MCF2L: variants seen among roughly 807,000 people sequenced by gnomAD.
MCF2L encodes the protein MCF.2 cell line derived transforming sequence like.
Under a neutral mutation model 153.4 loss-of-function variants are expected in MCF2L, and 97 were observed. The observed-to-expected ratio is 0.63, with a 90% CI of 0.54 to 0.75. MCF2L has a LOEUF of 0.75. MCF2L is among the 30% of genes least tolerant of loss of function. The pLI, the probability that MCF2L is intolerant of heterozygous loss-of-function variation, is 0.00. For synonymous variants in MCF2L, 659 were observed against 632.2 expected (o/e 1.04, Z -0.64); for missense variants, 1,347 against 1,495.2 (o/e 0.90, Z 1.64).
At chr13:112,895,384 C>G (rs1219263534) in intron 1 of MCF2L, among the ~76,000 whole-genome samples, 1 of 152,148 alleles carries the variant, frequency 6.6e-6, no homozygotes, top group Non-Finnish European at 1.5e-5. Context: ...CGGGGACCGA[C>G]ACGGCTGACC....
chr13:113,053,884 G>A lies in MCF2L; in HGVS notation c.370-6709G>A, dbSNP rs1015780308. Among the ~76,000 whole-genome samples, 1 of 152,140 alleles carries A rather than the reference G, an allele frequency of 6.6e-6. No homozygotes were observed. Among genetic ancestry groups the A allele is most frequent in the African/African-American group, 2.4e-5 (1 of 41,432 alleles). ...ACATGCACGCCCCTTCAGGGTCCTG[G>A]TCCTTAGGGAGCTGGTTAACAAGTT... is the stretch of plus-strand genomic sequence containing the variant. On this transcript the variant is annotated intron_variant, in intron 4 of 29. Coordinates refer to ENST00000535094, the MANE Select transcript of MCF2L (RefSeq NM_001112732.3). This position sits in a 1 kb window ranked among gnomAD's most constrained non-coding sequence, Gnocchi z 4.4.
Position 113,035,487 on chromosome 13 carries a change from C to A in MCF2L, c.279-9784C>A, listed in dbSNP as rs962352381. On this transcript the variant is annotated intron_variant, in intron 3 of 29. Coordinates refer to ENST00000535094, the MANE Select transcript of MCF2L (RefSeq NM_001112732.3). This position sits in a 1 kb window ranked among gnomAD's most constrained non-coding sequence, Gnocchi z 4.4. ...CGTTTTCCGCCTCAAACCCCCTCTGCGATGTGCAGCTCTGGGTGTCTGATC... is the reference window on the plus strand; with the variant it reads ...CGTTTTCCGCCTCAAACCCCCTCTGAGATGTGCAGCTCTGGGTGTCTGATC... 6.6e-6 allele frequency among the ~76,000 whole-genome samples: 1 copy of A among 152,194 alleles called. No homozygotes were observed. The highest frequency in any genetic ancestry group is 1.5e-5 in the Non-Finnish European group (1 of 68,038).
chr13:112,998,777 C>T (rs1229631366), intron 1 of MCF2L, among the ~76,000 whole-genome samples: 3 of 152,224 alleles, frequency 2.0e-5, no homozygotes, highest in South Asian at 2.1e-4. Flanking sequence ...GTGCTTGGAA[C>T]AGCTTTTATG....
upstream of MCF2L, chr13:112,968,818 C>T: frequency 7.6e-7 from 1 of 1,314,694 alleles, no homozygotes; most frequent in Non-Finnish European, 9.8e-7. Context: ...GCGTGGAGAC[C>T]CGGAACCGGG....
Position 112,969,443 on chromosome 13 carries a change from G to A in MCF2L, c.64G>A (p.Val22Ile), listed in dbSNP as rs1256490287. The stretch of plus-strand genomic sequence containing the variant: ...AGAAATGGTGCAGAGATTAAATGCG[G>A]TTTCCAAGCACACGGGTAGGAGGAG... ...LEEMVQRLNA[V>I]SKHTDEIMHQ... Residue 22 changes from valine to isoleucine, a missense_variant, in exon 1 of 30, where the codon GTT becomes ATT. Val to Ile is a conservative substitution (Grantham distance 29). This residue lies in a region of MCF2L where 820 missense variants were observed against 921.2 expected (regional missense o/e 0.89). Transcript: ENST00000535094. This position sits in a 1 kb window ranked among gnomAD's most constrained non-coding sequence, Gnocchi z 4.8. 3 of 1,550,278 alleles carry A rather than the reference G, an allele frequency of 1.9e-6. No homozygotes were observed. The highest frequency in any genetic ancestry group is 1.4e-5 in the African/African-American group (1 of 73,064).
Position 112,941,170 on chromosome 13 carries a change from C to T in MCF2L, c.169+38799C>T, listed in dbSNP as rs2081571708. On this transcript the variant is annotated intron_variant, in intron 2 of 29. Coordinates refer to the MCF2L transcript ENST00000375608. This position sits in a 1 kb window ranked among gnomAD's most constrained non-coding sequence, Gnocchi z 4.9. Reference sequence around the variant, plus strand: ...CCTACAAAAATTCAGGTCATCAGCCCGTAATGCCACCTTGTTTTATCTTGG... The same window carrying T: ...CCTACAAAAATTCAGGTCATCAGCCTGTAATGCCACCTTGTTTTATCTTGG... Among the ~76,000 whole-genome samples the T allele has an allele frequency of 6.6e-6, 1 of 152,060 alleles. No individual in the cohort carries two copies. Among genetic ancestry groups the T allele is most frequent in the Non-Finnish European group, 1.5e-5 (1 of 68,032 alleles).
Position 113,035,218 on chromosome 13 carries a change from C to T in MCF2L, c.279-10053C>T, listed in dbSNP as rs1481248992. Among the ~76,000 whole-genome samples the T allele has an allele frequency of 6.6e-6, 1 of 152,214 alleles. No individual in the cohort carries two copies. The highest frequency in any genetic ancestry group is 1.5e-5 in the Non-Finnish European group (1 of 68,036). On this transcript the variant is annotated intron_variant, in intron 3 of 29. Transcript: ENST00000535094. The surrounding 1 kb of genome is among the most constrained non-coding windows in gnomAD (Gnocchi z 4.4). ...GGCTTCTCTGGGTGACTCTGACGCT[C>T]TCATTGCTTCACGTTTAATTTTTGT... is the stretch of plus-strand genomic sequence containing the variant.
intron 8 of MCF2L, 74 bp from the exon 9 acceptor site, chr13:113,069,985 T>C: frequency 9.8e-7 from 1 of 1,019,786 alleles, no homozygotes; most frequent in Admixed American, 2.3e-5. Context: ...TGGGGTCGCT[T>C]GAACACCCAC....
rs532461895 is a variant in MCF2L, at chr13:113,047,662, C to T, written c.369+2301C>T. Among the ~76,000 whole-genome samples the T allele has an allele frequency of 7.9e-5, 12 of 152,360 alleles. 1 individual carries two copies. The highest frequency in any genetic ancestry group is 3.4e-3 in the Middle Eastern group (1 of 294). On this transcript the variant is annotated intron_variant, in intron 4 of 29. Coordinates refer to ENST00000535094, the MANE Select transcript of MCF2L (RefSeq NM_001112732.3). ...CTCCCTGCCAGGGCACTTGCGGTGT[C>T]AGGACGCACCTGGGTGCCTTTCATG...
Position 113,095,130 on chromosome 13 carries a change from ATTTGCATTTG to A in MCF2L, c.3075+496_3075+505del. The A allele has an allele frequency of 3.0e-6, 4 of 1,315,630 alleles. No individual in the cohort carries two copies. The Admixed American group carries it at 8.9e-5, about 29-fold the overall frequency. The allele number at this position is 1,315,630 out of a possible 1,614,324, so 81.5% of individuals were successfully genotyped here. Reference sequence around the variant, plus strand: ...AAGAAAATGGAACTGCTAAGCATGGATTTGCATTTGAAAAAACATTCATTGTTAATGTCAG... The same window carrying A: ...AAGAAAATGGAACTGCTAAGCATGGAAAAAAACATTCATTGTTAATGTCAG... On this transcript the variant is annotated intron_variant, in intron 27 of 29. Transcript: ENST00000535094.
chr13:112,990,761 G>A (rs1163620035), intron 1 of MCF2L, among the ~76,000 whole-genome samples: 1 of 152,224 alleles, frequency 6.6e-6, no homozygotes, highest in African/African-American at 2.4e-5. Context: ...TGTGCCCAGC[G>A]TCTGCTCTGT....
rs765545847 is a variant in MCF2L at position 113,090,118 on chromosome 13, C to T, written c.2953+390C>T. The T allele has an allele frequency of 5.7e-5, 88 of 1,547,202 alleles. 1 individual carries two copies. The South Asian group carries it at 8.8e-4, about 15-fold the overall frequency. On this transcript the variant is annotated intron_variant, in intron 26 of 29. Coordinates refer to ENST00000535094, the MANE Select transcript of MCF2L (RefSeq NM_001112732.3). ...AGAAAGCTCTGCGCTTTCCAGAAAG[C>T]GCTTTACCCTGCAGGGTTTTGCTAA...
intron 13 of MCF2L, among the ~76,000 whole-genome samples, chr13:113,077,602 C>T (rs1261891513): frequency 2.0e-5 from 3 of 152,182 alleles, no homozygotes; most frequent in Non-Finnish European, 4.4e-5. Context: ...TGTCCTTTCC[C>T]GGTGCTATTG....
intron 1 of MCF2L, among the ~76,000 whole-genome samples, chr13:113,005,535 G>A (rs528735166): frequency 6.6e-6 from 1 of 151,744 alleles, no homozygotes; most frequent in African/African-American, 2.4e-5. Flanking sequence ...GTTTGTGGTG[G>A]CCGTGGTTGG....
chr13:112,964,584 C>A (rs2081870907), upstream of MCF2L, among the ~76,000 whole-genome samples: 2 of 152,232 alleles, frequency 1.3e-5, no homozygotes, highest in Admixed American at 1.3e-4. Flanking sequence ...CACAGAGAAA[C>A]AATCAGATGT....
chr13:113,047,251 A>G (rs1486822660), intron 4 of MCF2L: 1 of 152,278 alleles, frequency 6.6e-6, no homozygotes, highest in African/African-American at 2.4e-5. Context: ...TCGCATTTCA[A>G]CATGAGACTT....
At chr13:112,957,508 T>TC (rs2081772641) in intron 2 of MCF2L, 1 of 150,854 alleles carries the variant, frequency 6.6e-6, no homozygotes, top group African/African-American at 2.4e-5. Flanking sequence ...GAGCTGGGCT[T>TC]CCACCCTGGA....
chr13:113,071,087 A>G (rs1463809437), intron 9 of MCF2L, among the ~76,000 whole-genome samples: 2 of 152,040 alleles, frequency 1.3e-5, no homozygotes, highest in East Asian at 3.9e-4. Flanking sequence ...TTATGCTCAC[A>G]TCCTGATGTG....
rs2081592854 is a variant in MCF2L at position 112,943,096 on chromosome 13, T to G, written c.169+40725T>G. Among the ~76,000 whole-genome samples, 1 of 144,688 alleles carries G rather than the reference T, an allele frequency of 6.9e-6. No individual in the cohort carries two copies. The highest frequency in any genetic ancestry group is 1.6e-5 in the Non-Finnish European group (1 of 63,106). The allele number at this position is 144,688 out of a possible 152,430, so 94.9% of individuals were successfully genotyped here. A position where few individuals can be genotyped will look rare whatever the true frequency, so the allele number is the denominator to read the frequency against. On this transcript the variant is annotated intron_variant, in intron 2 of 29. Coordinates refer to the MCF2L transcript ENST00000375608. The surrounding 1 kb of genome is among the most constrained non-coding windows in gnomAD (Gnocchi z 4.2). ...GCCTGAGAGATTTCTAGCAAAAACCTGGTAAACTTTGAGGTGAAGGCTGTC... is the reference window on the plus strand; with the variant it reads ...GCCTGAGAGATTTCTAGCAAAAACCGGGTAAACTTTGAGGTGAAGGCTGTC...
Sources: allele counts gnomAD v4.1 joint callset (sites outside exome capture counted in the v4.1 genomes callset), GRCh38; gene constraint gnomAD v4.1.1; regional missense constraint gnomAD v4.1.1; non-coding constraint Gnocchi (gnomAD v3.1); transcripts MANE v1.5; gene names NCBI Gene and HGNC (gene_info 2026-07-23, HGNC 2026-07-21).